The following GDA variants were observed in gnomAD, a reference collection of about 807,000 sequenced individuals.
The protein encoded by GDA is cytoplasmic PSD-95 interactor.
Under a neutral mutation model 59.6 loss-of-function variants are expected in GDA, and 18 were observed. The observed-to-expected ratio is 0.30, with a 90% CI of 0.21 to 0.45. The LOEUF (loss-of-function observed/expected upper bound fraction) is 0.45, where lower values mean the gene tolerates loss of function less well. Among genes scored for constraint, GDA ranks in the 20% least tolerant of loss-of-function variants. GDA has a pLI of 1.00. For missense variants in GDA, 427 were observed against 552.3 expected, an observed-to-expected ratio of 0.77 and a Z score of 2.27; for synonymous variants, 201 against 201.1, an observed-to-expected ratio of 1.00 and a Z score of 0.00.
At chr9:72,154,336 G>C (rs1827631298) in intron 1 of GDA, among the ~76,000 whole-genome samples, 1 of 152,256 alleles carries the variant, frequency 6.6e-6, no homozygotes, top group East Asian at 1.9e-4. Flanking sequence ...TATTAAATGA[G>C]ATAATGTATG....
intron 9 of GDA, chr9:72,228,898 A>G (rs1837943988): frequency 6.6e-6 from 1 of 151,656 alleles, no homozygotes; most frequent in Non-Finnish European, 1.5e-5. Context: ...AGAAAAATAA[A>G]TAAGTTATAG....
intron 1 of GDA, among the ~76,000 whole-genome samples, chr9:72,171,883 A>G (rs2130960591): frequency 6.6e-6 from 1 of 152,316 alleles, no homozygotes; most frequent in Admixed American, 6.5e-5. Flanking sequence ...AGCTCATTTA[A>G]CACTCACAAC....
At chr9:72,114,821 G>C (rs895322508) in exon 1 of GDA, 1 of 152,308 alleles carries the variant, frequency 6.6e-6, no homozygotes, top group Non-Finnish European at 1.5e-5. Flanking sequence ...AGAGGGTGGT[G>C]GTTCCACCAG....
chr9:72,220,259 C>T (rs1836701370), intron 6 of GDA, among the ~76,000 whole-genome samples: 1 of 152,088 alleles, frequency 6.6e-6, no homozygotes, highest in Non-Finnish European at 1.5e-5. Flanking sequence ...AGAGGTCAGG[C>T]ATTTTTTGCT....
chr9:72,173,511 C>T (rs986128760), intron 1 of GDA, among the ~76,000 whole-genome samples: 6 of 151,624 alleles, frequency 4.0e-5, no homozygotes, highest in Non-Finnish European at 7.4e-5. Flanking sequence ...TTATATTTTT[C>T]GGAGGGGCAG....
intron 1 of GDA, among the ~76,000 whole-genome samples, chr9:72,158,777 A>G (rs1191035449): frequency 2.0e-5 from 3 of 152,118 alleles, no homozygotes; most frequent in Non-Finnish European, 2.9e-5. Context: ...AGAGAGATGA[A>G]CTGGAGAAAA....
At chr9:72,165,912 C>A (rs894182772) in intron 1 of GDA, among the ~76,000 whole-genome samples, 28 of 142,986 alleles carry the variant, frequency 2.0e-4, no homozygotes, top group Non-Finnish European at 2.8e-4. Flanking sequence ...AAAAAAAAAA[C>A]AACAAAAAAT....
At chr9:72,195,729 G>A (rs1039029627) in intron 2 of GDA, 141 bp downstream of exon 2, 5 of 351,560 alleles carry the variant, frequency 1.4e-5, no homozygotes, top group Non-Finnish European at 1.6e-5. Flanking sequence ...TGTTAAGGGA[G>A]GAGATGGGAA....
intron 1 of GDA, among the ~76,000 whole-genome samples, chr9:72,129,786 A>C (rs759282165): frequency 1.4e-4 from 21 of 152,178 alleles, no homozygotes; most frequent in Non-Finnish European, 2.5e-4. Context: ...AGTGCCATCT[A>C]TATGAGAAGC....
chr9:72,149,757 G>C, intron 1 of GDA, 75 bp downstream of exon 1: 2 of 1,435,710 alleles, frequency 1.4e-6, no homozygotes, highest in Non-Finnish European at 1.9e-6. Context: ...GGTGCTTCGC[G>C]TAGCCCGGGG....
intron 8 of GDA, 119 bp from the exon 9 acceptor site, chr9:72,227,824 T>TTG: frequency 9.4e-6 from 6 of 638,280 alleles, no homozygotes; most frequent in Non-Finnish European, 1.7e-5. Flanking sequence ...ATAAATGTTC[T>TTG]TGTGAAGATG....
At chr9:72,164,851 G>A (rs751895791) in intron 1 of GDA, among the ~76,000 whole-genome samples, 9 of 151,854 alleles carry the variant, frequency 5.9e-5, no homozygotes, top group Admixed American at 1.3e-4. Context: ...TTAGCTGGGC[G>A]TGGTGGCGGG....
intron 12 of GDA, 68 bp from the exon 13 acceptor site, chr9:72,247,338 T>C: frequency 2.2e-6 from 2 of 910,048 alleles, no homozygotes; most frequent in Non-Finnish European, 3.7e-6. Flanking sequence ...TCAACCACTA[T>C]CAGCTGTGAA....
intron 1 of GDA, among the ~76,000 whole-genome samples, chr9:72,189,362 T>G (rs1046869507): frequency 1.3e-4 from 19 of 151,654 alleles, no homozygotes; most frequent in Non-Finnish European, 2.5e-4. Context: ...TTTGATTTTT[T>G]TAGTAGAGAT....
At chr9:72,124,386 C>G (rs2130588020) in intron 1 of GDA, among the ~76,000 whole-genome samples, 1 of 152,274 alleles carries the variant, frequency 6.6e-6, no homozygotes, top group African/African-American at 2.4e-5. Flanking sequence ...GCTACTCAAA[C>G]TATAATATGC....
In GDA at chr9:72,190,884, A is replaced by C. The variant is rs544633816; in HGVS notation, c.124-4616A>C. Among the ~76,000 whole-genome samples, 8 of 152,228 alleles carry C rather than the reference A, an allele frequency of 5.3e-5. No homozygotes were observed. In the South Asian group the frequency reaches 8.3e-4, roughly 16 times the overall value. On this transcript the variant is annotated intron_variant, in intron 1 of 13. Coordinates refer to ENST00000358399, the MANE Select transcript of GDA (RefSeq NM_004293.5). Reference sequence around the variant, plus strand: ...TAAGTGTAAAAAGTTTTTTTCATCCAGTTTGATAATATATCTATGAATGAT... The same window carrying C: ...TAAGTGTAAAAAGTTTTTTTCATCCCGTTTGATAATATATCTATGAATGAT...
intron 3 of GDA, among the ~76,000 whole-genome samples, chr9:72,208,070 C>T (rs994497055): frequency 6.6e-6 from 1 of 152,062 alleles, no homozygotes; most frequent in Admixed American, 6.5e-5. Flanking sequence ...GATGGCACCT[C>T]TGCACTCCAG....
chr9:72,209,533 G>GT (rs960114318), intron 3 of GDA, among the ~76,000 whole-genome samples: 6 of 151,572 alleles, frequency 4.0e-5, no homozygotes, highest in African/African-American at 1.5e-4. Context: ...AGTCATAGTT[G>GT]TTTTTTTTAA....
chr9:72,194,085 C>T (rs1832870959), intron 1 of GDA: 1 of 152,228 alleles, frequency 6.6e-6, no homozygotes, highest in Admixed American at 6.5e-5. Flanking sequence ...GTGTAAGAGC[C>T]AAGTTCTGGA....
Sources: allele counts gnomAD v4.1 joint callset (sites outside exome capture counted in the v4.1 genomes callset), GRCh38; gene constraint gnomAD v4.1.1; transcripts MANE v1.5; gene names NCBI Gene and HGNC (gene_info 2026-07-23, HGNC 2026-07-21).